The following RBFOX3 variants were observed in gnomAD, a reference collection of about 807,000 sequenced individuals.
The protein encoded by RBFOX3 is RNA binding fox-1 homolog 3, also known as RNA binding protein fox-1 homolog 3.
A neutral mutation model predicts 48.7 loss-of-function variants in RBFOX3; 17 were observed. That is an observed-to-expected ratio of 0.35 (90% confidence interval 0.24 to 0.52). The LOEUF is 0.52. Among genes scored for constraint, RBFOX3 ranks in the 20% least tolerant of loss-of-function variants. RBFOX3 has a pLI of 0.94. For missense variants in RBFOX3, 382 were observed against 497.5 expected (o/e 0.77, Z 2.21); for synonymous variants, 212 against 209.5 (o/e 1.01, Z -0.10).
At chr17:79,210,341 A>G (rs1163941145) in intron 4 of RBFOX3, among the ~76,000 whole-genome samples, 1 of 152,158 alleles carries the variant, frequency 6.6e-6, no homozygotes, top group Admixed American at 6.5e-5. Flanking sequence ...TCTGCTCTTC[A>G]TCTCCATGCG....
intron 2 of RBFOX3, among the ~76,000 whole-genome samples, chr17:79,368,187 C>A (rs1287654936): frequency 6.6e-6 from 1 of 152,224 alleles, no homozygotes; most frequent in Non-Finnish European, 1.5e-5. Context: ...TACAGAACAA[C>A]TTTTCCCCTC....
intron 1 of RBFOX3, among the ~76,000 whole-genome samples, chr17:79,490,422 C>T (rs960805778): frequency 5.3e-5 from 8 of 152,160 alleles, no homozygotes; most frequent in Admixed American, 5.2e-4. Flanking sequence ...GACTGCCTGA[C>T]CCGGGTTCAG....
chr17:79,377,548 G>A (rs181112334), intron 2 of RBFOX3, among the ~76,000 whole-genome samples: 3 of 152,312 alleles, frequency 2.0e-5, no homozygotes, highest in East Asian at 1.9e-4. Flanking sequence ...CTGTAGGTGC[G>A]GCGGCCGAGG....
intron 2 of RBFOX3, among the ~76,000 whole-genome samples, chr17:79,425,231 C>T (rs920581815): frequency 5.3e-5 from 8 of 152,234 alleles, no homozygotes; most frequent in African/African-American, 1.7e-4. Flanking sequence ...GGAGCACCCT[C>T]GTCCAGACCT....
Position 79,413,655 on chromosome 17 carries a change from C to T in RBFOX3, c.-175+68799G>A, listed in dbSNP as rs539444089. 3.9e-5 allele frequency among the ~76,000 whole-genome samples: 6 copies of T among 152,322 alleles called. No homozygotes were observed. In the South Asian group the frequency reaches 1.2e-3, roughly 32 times the overall value. ...AGCGTTGCAGCCCCAGTGAGAGATC[C>T]TTCTGCAGGTGCACACCTGGGCGAT... On this transcript the variant is annotated intron_variant, in intron 2 of 14. Coordinates refer to ENST00000693108, the MANE Select transcript of RBFOX3 (RefSeq NM_001350451.2).
intron 2 of RBFOX3, among the ~76,000 whole-genome samples, chr17:79,326,298 C>T (rs548316239): frequency 3.3e-5 from 5 of 152,244 alleles, no homozygotes; most frequent in East Asian, 3.9e-4. Context: ...AGCTAGGAGG[C>T]GCCAGGATGT....
intron 4 of RBFOX3, among the ~76,000 whole-genome samples, chr17:79,196,263 C>T (rs2055570587): frequency 6.6e-6 from 1 of 152,148 alleles, no homozygotes; most frequent in African/African-American, 2.4e-5. Flanking sequence ...CTACCACACA[C>T]CCAGCCACAG....
chr17:79,292,086 G>A (rs932848431), intron 3 of RBFOX3, among the ~76,000 whole-genome samples: 1 of 152,072 alleles, frequency 6.6e-6, no homozygotes, highest in African/African-American at 2.4e-5. Flanking sequence ...TTTCTCTGGT[G>A]ATCAGTATTT....
chr17:79,377,908 C>T (rs888993437), intron 2 of RBFOX3, among the ~76,000 whole-genome samples: 6 of 152,186 alleles, frequency 3.9e-5, no homozygotes, highest in African/African-American at 7.2e-5. Flanking sequence ...GGCATATCTC[C>T]GTCAGGCCCA....
intron 4 of RBFOX3, among the ~76,000 whole-genome samples, chr17:79,138,204 C>T (rs530376669): frequency 3.3e-5 from 5 of 152,284 alleles, no homozygotes; most frequent in African/African-American, 1.2e-4. Flanking sequence ...CATGCCTGCA[C>T]ACTCACTGCA....
intron 2 of RBFOX3, among the ~76,000 whole-genome samples, chr17:79,377,498 G>A (rs542988112): frequency 2.6e-5 from 4 of 152,306 alleles, no homozygotes; most frequent in South Asian, 2.1e-4. Context: ...ACATCACTCC[G>A]AGTTGGTGAC....
chr17:79,169,024 G>A (rs998309766), intron 4 of RBFOX3, among the ~76,000 whole-genome samples: 15 of 152,144 alleles, frequency 9.9e-5, no homozygotes, highest in Non-Finnish European at 1.6e-4. Context: ...ACTGGCTCTC[G>A]CCACACTGCC....
chr17:79,478,507 C>T (rs112454532), intron 2 of RBFOX3, among the ~76,000 whole-genome samples: 3,563 of 152,354 alleles, frequency 0.023, 138 homozygotes, highest in African/African-American at 0.081. Flanking sequence ...GTTTATCTCT[C>T]AGCTCCAGAA....
chr17:79,576,923 G>T (rs951519457), intron 1 of RBFOX3, among the ~76,000 whole-genome samples: 11 of 152,136 alleles, frequency 7.2e-5, no homozygotes, highest in African/African-American at 2.7e-4. Flanking sequence ...CTCCCACCTG[G>T]CTATGGCTTG....
At chr17:79,123,072 G>A (rs2036184672) in intron 4 of RBFOX3, among the ~76,000 whole-genome samples, 2 of 151,906 alleles carry the variant, frequency 1.3e-5, no homozygotes, top group African/African-American at 4.8e-5. Context: ...CGAGGGGGGT[G>A]TGGGCTGGGG....
rs2057444189 is a variant in RBFOX3 at position 79,364,545 on chromosome 17, G to A, written c.-174-56721C>T. ...AGTTAATGAGTGTGTTGACTGCACA[G>A]ACACTGCGTGCAGCTCTGGGGATGA... On this transcript the variant is annotated intron_variant, in intron 2 of 14. Transcript: ENST00000693108. The surrounding 1 kb of genome is among the most constrained non-coding windows in gnomAD (Gnocchi z 5.1). Among the ~76,000 whole-genome samples the A allele has an allele frequency of 6.6e-6, 1 of 152,246 alleles. No individual in the cohort carries two copies. The highest frequency in any genetic ancestry group is 1.5e-5 in the Non-Finnish European group (1 of 68,048).
intron 4 of RBFOX3, among the ~76,000 whole-genome samples, chr17:79,158,119 GACAC>G (rs74270516): frequency 0.15 from 23,480 of 152,094 alleles, 2,234 homozygotes; most frequent in Non-Finnish European, 0.22. Context: ...TTAGGACATA[GACAC>G]ACACAGACAG....
chr17:79,365,977 C>T (rs1171550117), intron 2 of RBFOX3, among the ~76,000 whole-genome samples: 1 of 152,252 alleles, frequency 6.6e-6, no homozygotes, highest in Admixed American at 6.5e-5. Flanking sequence ...CCACGGATGT[C>T]CTGCCACTGC....
At chr17:79,642,572 C>T in the RBFOX3 span, among the ~76,000 whole-genome samples, 1 of 152,202 alleles carries the variant, frequency 6.6e-6, no homozygotes, top group Non-Finnish European at 1.5e-5. Context: ...TTAATGATCT[C>T]TCTCACTTCA....
Sources: allele counts gnomAD v4.1 joint callset (sites outside exome capture counted in the v4.1 genomes callset), GRCh38; gene constraint gnomAD v4.1.1; non-coding constraint Gnocchi (gnomAD v3.1); transcripts MANE v1.5; gene names NCBI Gene and HGNC (gene_info 2026-07-23, HGNC 2026-07-21).